The following GSE1 variants were observed in gnomAD, a reference collection of about 807,000 sequenced individuals.
The protein encoded by GSE1 is genetic suppressor element 1.
A neutral mutation model predicts 112.6 loss-of-function variants in GSE1; 32 were observed. The ratio of observed to expected loss-of-function variants is 0.28; its 90% CI spans 0.21 to 0.38. The LOEUF (loss-of-function observed/expected upper bound fraction) is 0.38. Ranked by LOEUF, GSE1 falls within the 10% of genes least tolerant of loss-of-function variation. The pLI, the probability that GSE1 is intolerant of heterozygous loss-of-function variation, is 1.00. For synonymous variants in GSE1, 1,115 were observed against 735.6 expected (o/e 1.52, Z -8.35); for missense variants, 2,348 against 1,699.2 (o/e 1.38, Z -6.71).
chr16:85,507,062 T>C (rs2051559482), intron 2 of GSE1, among the ~76,000 whole-genome samples: 1 of 152,158 alleles, frequency 6.6e-6, no homozygotes, highest in African/African-American at 2.4e-5. Context: ...TTGCGGTTTC[T>C]CCCGAGCATG....
chr16:85,666,580 T>C (rs2052880411), intron 13 of GSE1: 4 of 569,750 alleles, frequency 7.0e-6, no homozygotes, highest in Admixed American at 6.2e-5. Context: ...GCGCTGACGC[T>C]GTGCTGTGAG....
rs116078437 is a variant in GSE1, at chr16:85,631,821, A to G, written c.8-2093A>G. ...TTGCCCCAAAAGGTTGTTCAGCCAG[A>G]AGCATCCAGAAGCTGGGTCTGAGCC... On this transcript the variant is annotated intron_variant, in intron 1 of 15. Coordinates refer to ENST00000253458, the MANE Select transcript of GSE1 (RefSeq NM_014615.5). 5.3e-3 allele frequency among the ~76,000 whole-genome samples: 807 copies of G among 152,364 alleles called. 1 individual carries two copies. Among genetic ancestry groups the G allele is most frequent in the African/African-American group, 0.018 (764 of 41,596 alleles).
At chr16:85,613,168 G>C (rs1329226797), upstream of GSE1, 6 of 1,379,010 alleles carry the variant, frequency 4.4e-6, no homozygotes, top group East Asian at 3.1e-5. Flanking sequence ...TCAGGGAGCC[G>C]GGAGCGAGCC....
rs1435686067 is a variant in GSE1, at chr16:85,411,773, C to T, written c.2464+54130C>T. Among the ~76,000 whole-genome samples the T allele has an allele frequency of 5.6e-3, 113 of 20,110 alleles. 4 individuals are homozygous for T. The highest frequency in any genetic ancestry group is 0.056 in the Middle Eastern group (1 of 18). The allele number at this position is 20,110 out of a possible 152,430, so 13.2% of individuals were successfully genotyped here. On this transcript the variant is annotated intron_variant, in intron 2 of 2. Transcript: ENST00000637419. ...ATAATCCTCACCGTTACACTCAGGGCCCCCCTGGATAATCCTCACTGTTAC... is the reference window on the plus strand; with the variant it reads ...ATAATCCTCACCGTTACACTCAGGGTCCCCCTGGATAATCCTCACTGTTAC...
intron 3 of GSE1, 136 bp downstream of exon 3, chr16:85,648,887 C>T (rs1315978174): frequency 5.6e-6 from 3 of 531,170 alleles, no homozygotes; most frequent in South Asian, 2.8e-5. Context: ...GTTTCCGTCT[C>T]CTTCTCTGCA....
At chr16:85,267,700 C>G (rs949909984) in intron 1 of GSE1, among the ~76,000 whole-genome samples, 3 of 152,202 alleles carry the variant, frequency 2.0e-5, no homozygotes, top group African/African-American at 7.2e-5. Flanking sequence ...CTTTCCCTGA[C>G]CCCTGGGTTG....
chr16:85,194,068 T>C (rs1482503179), intron 1 of GSE1, among the ~76,000 whole-genome samples: 1 of 152,222 alleles, frequency 6.6e-6, no homozygotes, highest in East Asian at 1.9e-4. Flanking sequence ...CCCAGGCTCA[T>C]GCGGCCAGTA....
At chr16:85,542,186 T>C (rs558976169) in intron 2 of GSE1, among the ~76,000 whole-genome samples, 31 of 152,260 alleles carry the variant, frequency 2.0e-4, no homozygotes, top group African/African-American at 7.2e-4. Flanking sequence ...AGGGCTGGGA[T>C]GCGGGGAGGG....
intron 2 of GSE1, among the ~76,000 whole-genome samples, chr16:85,514,077 C>G (rs2051836506): frequency 6.6e-6 from 1 of 152,062 alleles, no homozygotes. Context: ...GAGGGAGTCT[C>G]CCTTGGGTGC....
chr16:85,580,701 C>T (rs560284659), intron 1 of GSE1, among the ~76,000 whole-genome samples: 29 of 152,298 alleles, frequency 1.9e-4, no homozygotes, highest in Admixed American at 7.8e-4. Context: ...GGAAATGGAG[C>T]CTCTAAGGAA....
In GSE1 at chr16:85,634,143, C is replaced by T; in HGVS notation, c.226+11C>T. ...CGGAGGAGCCCAGAGGTAAGGGGGC[C>T]CGCCAGGCTGCGCGTGGGGGGAGCG... On this transcript the variant is annotated intron_variant, in intron 2 of 15. Transcript: ENST00000253458. The T allele has an allele frequency of 6.9e-7, 1 of 1,446,168 alleles. No individual in the cohort carries two copies. The highest frequency in any genetic ancestry group is 9.0e-7 in the Non-Finnish European group (1 of 1,107,064). 89.6% of individuals were successfully genotyped at this position (1,446,168 alleles called of 1,614,324 possible).
intron 1 of GSE1, among the ~76,000 whole-genome samples, chr16:85,209,688 A>C (rs1377930642): frequency 6.6e-6 from 1 of 152,196 alleles, no homozygotes; most frequent in Non-Finnish European, 1.5e-5. Context: ...ATCGAGGTGC[A>C]TGGCCATGGT....
At chr16:85,611,438 G>C (rs1039687433), upstream of GSE1, 2 of 984,300 alleles carry the variant, frequency 2.0e-6, no homozygotes, top group Non-Finnish European at 2.4e-6. Context: ...ATAGCGTCCG[G>C]CCAAGGCCGC....
chr16:85,416,405 T>A (rs1236362075), intron 2 of GSE1, among the ~76,000 whole-genome samples: 1 of 151,396 alleles, frequency 6.6e-6, no homozygotes, highest in Non-Finnish European at 1.5e-5. Flanking sequence ...GAGCAAGTGG[T>A]GAGATGGGGT....
At chr16:85,331,881 C>T (rs556480450) in intron 1 of GSE1, among the ~76,000 whole-genome samples, 1 of 151,792 alleles carries the variant, frequency 6.6e-6, no homozygotes, top group South Asian at 2.1e-4. Context: ...TGAGGGTGTG[C>T]CTCCCATGTT....
At chr16:85,393,770 A>C (rs73259315) in intron 2 of GSE1, among the ~76,000 whole-genome samples, 5,952 of 152,260 alleles carry the variant, frequency 0.039, 401 homozygotes, top group African/African-American at 0.14. Context: ...TGCCCTGCCC[A>C]GACCCCCTCT....
chr16:85,218,525 C>T (rs1322880736), intron 1 of GSE1, among the ~76,000 whole-genome samples: 1 of 152,232 alleles, frequency 6.6e-6, no homozygotes, highest in Non-Finnish European at 1.5e-5. Flanking sequence ...TGGTAAAACG[C>T]GGCCTTTGGA....
intron 1 of GSE1, among the ~76,000 whole-genome samples, chr16:85,615,908 T>A (rs1337028243): frequency 1.3e-5 from 2 of 152,160 alleles, no homozygotes; most frequent in Non-Finnish European, 2.9e-5. Flanking sequence ...AGGGGCAAAC[T>A]GAGGCTTGGG....
rs2053598422 is a variant in GSE1 at position 85,674,909 on chromosome 16, T to C, written c.*2370T>C. 1 of 152,610 alleles carries C rather than the reference T, an allele frequency of 6.6e-6. No homozygotes were observed. The highest frequency in any genetic ancestry group is 1.5e-5 in the Non-Finnish European group (1 of 68,028). 9.5% of individuals were successfully genotyped at this position (152,610 alleles called of 1,614,324 possible). ...CCTACTTGTGGCGATCTGAGTACTC[T>C]ACTCTTGCTCAAGAAGTAATACGAC... On this transcript the variant is annotated 3_prime_UTR_variant, in exon 16 of 16. Transcript: ENST00000253458.
Sources: gnomAD v4.1 joint callset for allele counts (sites outside exome capture counted in the v4.1 genomes callset) on GRCh38, gnomAD v4.1.1 for gene constraint, MANE v1.5 for transcripts, NCBI Gene and HGNC (gene_info 2026-07-23, HGNC 2026-07-21) for gene names.